Variants in DPP10 observed in about 807,000 individuals in gnomAD.
The protein encoded by DPP10 is dipeptidyl peptidase like 10.
Under a neutral mutation model 120.9 loss-of-function variants are expected in DPP10, and 33 were observed. That is an observed-to-expected ratio of 0.27 (90% confidence interval 0.21 to 0.37). DPP10 has a LOEUF of 0.37. DPP10 is among the 10% of genes least tolerant of loss of function. The pLI is 1.00. For missense variants in DPP10, 816 were observed against 942.8 expected, an observed-to-expected ratio of 0.87 and a Z score of 1.76; for synonymous variants, 337 against 326.1, an observed-to-expected ratio of 1.03 and a Z score of -0.36.
chr2:115,834,021 C>T, intron 21 of DPP10, among the ~76,000 whole-genome samples: 1 of 152,148 alleles, frequency 6.6e-6, no homozygotes, highest in East Asian at 1.9e-4. Flanking sequence ...AAGACTGTCT[C>T]TCTCAATGAG....
At chr2:115,347,236 C>G (rs1204372079) in intron 3 of DPP10, among the ~76,000 whole-genome samples, 1 of 152,072 alleles carries the variant, frequency 6.6e-6, no homozygotes, top group East Asian at 1.9e-4. Context: ...AGGGTATACT[C>G]TAATGATAAT....
At chr2:115,704,366 C>A (rs752429325) in intron 7 of DPP10, among the ~76,000 whole-genome samples, 5 of 151,890 alleles carry the variant, frequency 3.3e-5, no homozygotes, top group Non-Finnish European at 7.4e-5. Flanking sequence ...TGGCATTCCT[C>A]TCTCTCAAAT....
At chr2:115,698,918 G>C (rs990270862) in intron 7 of DPP10, among the ~76,000 whole-genome samples, 1 of 148,126 alleles carries the variant, frequency 6.8e-6, no homozygotes, top group African/African-American at 2.5e-5. Context: ...AAAGATAGTA[G>C]ATATAAACAA....
chr2:114,898,335 C>T (rs1245199773), intron 1 of DPP10, among the ~76,000 whole-genome samples: 1 of 141,710 alleles, frequency 7.1e-6, no homozygotes, highest in African/African-American at 2.6e-5. Flanking sequence ...ATATCACACT[C>T]TGGGGACTGT....
At chr2:115,841,316 T>A (rs1306973085) in intron 25 of DPP10, among the ~76,000 whole-genome samples, 2 of 152,156 alleles carry the variant, frequency 1.3e-5, no homozygotes, top group Non-Finnish European at 2.9e-5. Flanking sequence ...AAAAGGCCAT[T>A]TGCACTACCA....
chr2:115,548,189 T>C (rs920594849), intron 5 of DPP10, among the ~76,000 whole-genome samples: 1 of 152,208 alleles, frequency 6.6e-6, no homozygotes, highest in Non-Finnish European at 1.5e-5. Context: ...CTGTTTTTTA[T>C]GGTTACATAA....
intron 4 of DPP10, among the ~76,000 whole-genome samples, chr2:115,514,538 T>A (rs1028591943): frequency 1.3e-5 from 2 of 151,774 alleles, no homozygotes; most frequent in East Asian, 3.8e-4. Context: ...AGTGACATTT[T>A]TTAAAACAAG....
At chr2:114,754,490 T>C (rs1679550636) in intron 1 of DPP10, among the ~76,000 whole-genome samples, 1 of 152,180 alleles carries the variant, frequency 6.6e-6, no homozygotes, top group African/African-American at 2.4e-5. Flanking sequence ...GTCCATCCTG[T>C]GAGGGAGCAT....
chr2:115,146,249 G>C (rs1213810496), intron 1 of DPP10, among the ~76,000 whole-genome samples: 1 of 152,106 alleles, frequency 6.6e-6, no homozygotes, highest in East Asian at 1.9e-4. Flanking sequence ...TCAGAATTCT[G>C]AATTGTAAAA....
chr2:114,937,351 T>C (rs989125781), intron 1 of DPP10, among the ~76,000 whole-genome samples: 3 of 152,130 alleles, frequency 2.0e-5, no homozygotes, highest in South Asian at 2.1e-4. Context: ...TGGTGTCCTT[T>C]CCACACTTTG....
intron 1 of DPP10, among the ~76,000 whole-genome samples, chr2:114,504,310 C>A (rs933675056): frequency 6.6e-6 from 1 of 152,126 alleles, no homozygotes; most frequent in Non-Finnish European, 1.5e-5. Context: ...TGTTTTTGAG[C>A]AATTGCTTCT....
intron 1 of DPP10, among the ~76,000 whole-genome samples, chr2:114,942,320 T>TATACATATATATATATATATAC (rs869121143): frequency 5.1e-4 from 63 of 123,972 alleles, no homozygotes; most frequent in African/African-American, 1.3e-3. Flanking sequence ...TATATATATA[T>TATACATATATATATATATATAC]ACACACACAT....
At chr2:115,537,371 A>G (rs1021094909) in intron 5 of DPP10, among the ~76,000 whole-genome samples, 26 of 152,192 alleles carry the variant, frequency 1.7e-4, no homozygotes, top group African/African-American at 6.3e-4. Flanking sequence ...GCCACAAAGT[A>G]GAAATAGGCT....
chr2:115,724,711 A>C (rs2092725533), intron 7 of DPP10, among the ~76,000 whole-genome samples: 1 of 152,164 alleles, frequency 6.6e-6, no homozygotes. Flanking sequence ...ATAGAGAAAC[A>C]CCTGAGACTG....
intron 3 of DPP10, among the ~76,000 whole-genome samples, chr2:115,471,963 C>T (rs1574947505): frequency 6.6e-6 from 1 of 152,070 alleles, no homozygotes; most frequent in South Asian, 2.1e-4. Flanking sequence ...TTATATTTTT[C>T]CCTATTTTTG....
chr2:115,397,341 ACTGT>A (rs1559541443), intron 3 of DPP10, among the ~76,000 whole-genome samples: 1 of 152,220 alleles, frequency 6.6e-6, no homozygotes, highest in Non-Finnish European at 1.5e-5. Flanking sequence ...TTTGCATCTT[ACTGT>A]CTAACTAGAC....
intron 1 of DPP10, among the ~76,000 whole-genome samples, chr2:115,112,791 G>T (rs1029989222): frequency 6.6e-6 from 1 of 152,134 alleles, no homozygotes; most frequent in Admixed American, 6.6e-5. Flanking sequence ...ACAATTTGGC[G>T]ACTATAGTTA....
intron 1 of DPP10, among the ~76,000 whole-genome samples, chr2:114,553,422 T>C (rs1192358501): frequency 1.3e-5 from 2 of 152,206 alleles, no homozygotes; most frequent in Admixed American, 1.3e-4. Flanking sequence ...TTGAAGATGA[T>C]AGATTTCCAG....
chr2:114,720,871 C>T (rs1701661460), intron 1 of DPP10, among the ~76,000 whole-genome samples: 1 of 152,210 alleles, frequency 6.6e-6, no homozygotes, highest in Non-Finnish European at 1.5e-5. Context: ...CATTCTCCAC[C>T]TATCACAGTG....
Sources: allele counts gnomAD v4.1 joint callset (sites outside exome capture counted in the v4.1 genomes callset), GRCh38; gene constraint gnomAD v4.1.1; transcripts MANE v1.5; gene names NCBI Gene and HGNC (gene_info 2026-07-23, HGNC 2026-07-21).